Variants in CRIM1 observed in about 807,000 individuals in gnomAD.
The protein encoded by CRIM1 is cysteine-rich motor neuron 1 protein.
CRIM1 carries 32 observed loss-of-function variants against 116.4 expected under a neutral mutation model. The observed-to-expected ratio is 0.27, with a 90% CI of 0.21 to 0.37. The LOEUF is 0.37. Among genes scored for constraint, CRIM1 ranks in the 10% least tolerant of loss-of-function variants. The probability of loss-of-function intolerance (pLI) is 1.00; values close to 1 mark genes in which losing one functional copy is unlikely to be tolerated. For synonymous variants in CRIM1, 590 were observed against 509.2 expected, an observed-to-expected ratio of 1.16 and a Z score of -2.13; for missense variants, 1,331 against 1,354.8, an observed-to-expected ratio of 0.98 and a Z score of 0.28.
intron 15 of CRIM1, among the ~76,000 whole-genome samples, 177 bp downstream of exon 15, chr2:36,544,675 A>G (rs1381010754): frequency 6.6e-6 from 1 of 152,262 alleles, no homozygotes; most frequent in Non-Finnish European, 1.5e-5. Context: ...CATTGATAAA[A>G]TAAGTCAGCA....
chr2:36,491,975 G>A lies in CRIM1; in HGVS notation c.1373-7244G>A, dbSNP rs1263115195. Reference sequence around the variant, plus strand: ...TAATTTTGTGAGCTATCTCAAGCTGGATTCCTGGAAAAAGATACCCCACTC... The same window carrying A: ...TAATTTTGTGAGCTATCTCAAGCTGAATTCCTGGAAAAAGATACCCCACTC... On this transcript the variant is annotated intron_variant, in intron 7 of 16. Coordinates refer to ENST00000280527, the MANE Select transcript of CRIM1 (RefSeq NM_016441.3). 3.3e-5 allele frequency among the ~76,000 whole-genome samples: 5 copies of A among 152,022 alleles called. No individual in the cohort carries two copies. In the East Asian group the frequency reaches 9.6e-4, roughly 29 times the overall value.
chr2:36,457,462 G>T (rs375100701), intron 4 of CRIM1, among the ~76,000 whole-genome samples: 1 of 152,208 alleles, frequency 6.6e-6, no homozygotes, highest in East Asian at 1.9e-4. Context: ...ATGGCTGCGG[G>T]GGGAGAGTGT....
Position 36,544,435 on chromosome 2 carries a change from G to C in CRIM1, c.2683G>C (p.Val895Leu). Residue 895 changes from valine to leucine, a missense_variant, in exon 15 of 17, where the codon GTT becomes CTT. Around this residue, in one of 3 missense-constraint regions of CRIM1, gnomAD observed 283 missense variants for 242.8 expected, o/e 1.17. Coordinates refer to ENST00000280527, the MANE Select transcript of CRIM1 (RefSeq NM_016441.3). ...TGAGAAGACAAACCATCGAGGAGAG[G>C]TTGACCTGGAGGTTCCCCTGTGGCC... ...PIEKTNHRGE[V>L]DLEVPLWPTP... 7.0e-7 allele frequency: 1 copy of C among 1,429,102 alleles called. No homozygotes were observed. The highest frequency in any genetic ancestry group is 1.5e-5 in the African/African-American group (1 of 68,352). 88.5% of individuals were successfully genotyped at this position (1,429,102 alleles called of 1,614,324 possible).
chr2:36,444,491 A>C (rs1473823813), intron 4 of CRIM1, among the ~76,000 whole-genome samples: 1 of 152,228 alleles, frequency 6.6e-6, no homozygotes, highest in Non-Finnish European at 1.5e-5. Context: ...TTTATCCTCA[A>C]GCTTCTGTGA....
Position 36,370,776 on chromosome 2 carries a change from A to G in CRIM1, c.331+14153A>G, listed in dbSNP as rs532239457. ...GGATGACCACTAGTTAAGAAGGAAC[A>G]GTGAACTTTTTTTCTTTAGAGGGGA... On this transcript the variant is annotated intron_variant, in intron 1 of 16. Transcript: ENST00000280527. Among the ~76,000 whole-genome samples the G allele has an allele frequency of 5.9e-5, 9 of 152,308 alleles. No individual in the cohort carries two copies. In the South Asian group the frequency reaches 1.9e-3, roughly 32 times the overall value.
intron 7 of CRIM1, among the ~76,000 whole-genome samples, chr2:36,497,933 G>A (rs968674686): frequency 5.9e-5 from 9 of 152,324 alleles, no homozygotes; most frequent in African/African-American, 2.2e-4. Context: ...TGGATAGAGT[G>A]TTGGACAGGA....
chr2:36,442,322 A>G (rs113671303), intron 3 of CRIM1, among the ~76,000 whole-genome samples: 27 of 151,872 alleles, frequency 1.8e-4, no homozygotes, highest in Admixed American at 8.5e-4. Flanking sequence ...TATTCTATCA[A>G]TCAGAAATGC....
chr2:36,405,284 A>G (rs1348708504), intron 2 of CRIM1, among the ~76,000 whole-genome samples: 1 of 152,216 alleles, frequency 6.6e-6, no homozygotes. Context: ...ATAGTGCAAC[A>G]GAATTTCCTC....
intron 4 of CRIM1, among the ~76,000 whole-genome samples, chr2:36,463,361 G>A (rs1035426317): frequency 3.3e-5 from 5 of 152,052 alleles, no homozygotes; most frequent in Admixed American, 2.6e-4. Flanking sequence ...TAAGAAGGGG[G>A]GACAAAAGCA....
At chr2:36,474,310 T>C (rs1342585696) in intron 5 of CRIM1, among the ~76,000 whole-genome samples, 1 of 152,186 alleles carries the variant, frequency 6.6e-6, no homozygotes, top group African/African-American at 2.4e-5. Flanking sequence ...TCCTTTTAAG[T>C]CCCAAAATTG....
intron 14 of CRIM1, among the ~76,000 whole-genome samples, chr2:36,537,793 A>C (rs1666658538): frequency 6.6e-6 from 1 of 152,056 alleles, no homozygotes; most frequent in African/African-American, 2.4e-5. Context: ...GCATTCTCTA[A>C]ACTTTAGTAT....
At chr2:36,393,542 T>G (rs1420182647) in intron 1 of CRIM1, among the ~76,000 whole-genome samples, 1 of 152,280 alleles carries the variant, frequency 6.6e-6, no homozygotes, top group Non-Finnish European at 1.5e-5. Context: ...ATGTGAGGCT[T>G]CTTTGTCTAC....
At chr2:36,519,124 G>A (rs1223581231) in intron 12 of CRIM1, among the ~76,000 whole-genome samples, 1 of 152,158 alleles carries the variant, frequency 6.6e-6, no homozygotes, top group Admixed American at 6.5e-5. Context: ...TGAACTTAGG[G>A]ATTAACTAAG....
chr2:36,482,420 AC>A (rs1251156160), intron 7 of CRIM1, among the ~76,000 whole-genome samples: 1 of 152,244 alleles, frequency 6.6e-6, no homozygotes, highest in Non-Finnish European at 1.5e-5. Flanking sequence ...TAATAAACTT[AC>A]AAAATAACAC....
intron 1 of CRIM1, among the ~76,000 whole-genome samples, chr2:36,381,642 C>G (rs978772305): frequency 6.6e-6 from 1 of 152,214 alleles, no homozygotes; most frequent in Non-Finnish European, 1.5e-5. Context: ...AAACTTCCAG[C>G]CAGGTGCAGT....
At chr2:36,548,412 CAATG>C in intron 16 of CRIM1, 109 bp from the exon 17 acceptor site, 1 of 703,186 alleles carries the variant, frequency 1.4e-6, no homozygotes, top group Non-Finnish European at 2.3e-6. Context: ...GGCTATCAAT[CAATG>C]AATTGTGAAA....
chr2:36,363,590 T>C (rs1669388095), intron 1 of CRIM1, among the ~76,000 whole-genome samples: 1 of 150,538 alleles, frequency 6.6e-6, no homozygotes, highest in South Asian at 2.1e-4. Flanking sequence ...AAAGTTTGTA[T>C]ATTTTGAGTA....
chr2:36,547,214 G>A, intron 16 of CRIM1, 43 bp downstream of exon 16: 1 of 1,501,190 alleles, frequency 6.7e-7, no homozygotes, highest in Non-Finnish European at 9.2e-7. Context: ...ATGAATCTAG[G>A]AAAACTTACA....
intron 1 of CRIM1, chr2:36,378,812 T>G (rs867330126): frequency 6.6e-6 from 1 of 150,398 alleles, no homozygotes; most frequent in African/African-American, 2.5e-5. Flanking sequence ...TTCGGTTTTT[T>G]TTTTTTTTTT....
Sources: allele counts gnomAD v4.1 joint callset (sites outside exome capture counted in the v4.1 genomes callset), GRCh38; gene constraint gnomAD v4.1.1; regional missense constraint gnomAD v4.1.1; transcripts MANE v1.5; gene names NCBI Gene and HGNC (gene_info 2026-07-23, HGNC 2026-07-21).